OC90: variants seen among roughly 807,000 people sequenced by gnomAD.
The protein encoded by OC90 is otoconin-90.
OC90 carries 46 observed loss-of-function variants against 47.3 expected under a neutral mutation model. The ratio of observed to expected loss-of-function variants is 0.97; its 90% CI spans 0.77 to 1.24. The LOEUF (loss-of-function observed/expected upper bound fraction) is 1.24. OC90 is among the 50% of genes most tolerant of loss of function. The pLI is 0.00. For missense variants in OC90, 688 were observed against 583.9 expected (o/e 1.18, Z -1.84); for synonymous variants, 271 against 219.5 (o/e 1.23, Z -2.07).
Position 132,041,706 on chromosome 8 carries a change from G to A in OC90, c.170-7C>T. 6.6e-7 allele frequency: 1 copy of A among 1,522,450 alleles called. No homozygotes were observed. Among genetic ancestry groups the A allele is most frequent in the Non-Finnish European group, 9.1e-7 (1 of 1,101,360 alleles). 94.3% of individuals were successfully genotyped at this position (1,522,450 alleles called of 1,614,324 possible). On this transcript the variant is annotated splice_polypyrimidine_tract_variant and splice_region_variant and intron_variant, in intron 4 of 13. Coordinates refer to ENST00000254627, the MANE Select transcript of OC90 (RefSeq NM_001080399.3). ...AAGTGGGGGCCCAGGCAATCTGTGGGGGTGGGGGGCAGGGCCTGATAAGCA... is the reference window on the plus strand; with the variant it reads ...AAGTGGGGGCCCAGGCAATCTGTGGAGGTGGGGGGCAGGGCCTGATAAGCA...
intron 1 of OC90, among the ~76,000 whole-genome samples, chr8:132,058,452 G>A (rs1040861319): frequency 8.5e-5 from 13 of 152,110 alleles, no homozygotes; most frequent in African/African-American, 1.9e-4. Flanking sequence ...TTGGAGTCCC[G>A]GCTCCCCTAG....
intron 2 of OC90, among the ~76,000 whole-genome samples, chr8:132,052,516 T>A (rs937601153): frequency 1.3e-5 from 2 of 152,222 alleles, no homozygotes; most frequent in African/African-American, 4.8e-5. Flanking sequence ...TAGATGTTAA[T>A]AAGGTGTGCT....
At chr8:132,031,041 G>A (rs1026262771) in intron 12 of OC90, among the ~76,000 whole-genome samples, 6 of 152,166 alleles carry the variant, frequency 3.9e-5, no homozygotes, top group Non-Finnish European at 7.4e-5. Context: ...TCCATTGGCC[G>A]TGGACAGGGG....
At chr8:132,034,873 C>G (rs1223132240) in intron 9 of OC90, 39 bp from the exon 10 acceptor site, 3 of 1,530,478 alleles carry the variant, frequency 2.0e-6, no homozygotes, top group Non-Finnish European at 2.7e-6. Flanking sequence ...AGCATCCACC[C>G]CAGCCTGTCC....
intron 3 of OC90, among the ~76,000 whole-genome samples, chr8:132,044,987 C>A (rs1823111354): frequency 6.6e-6 from 1 of 152,226 alleles, no homozygotes; most frequent in African/African-American, 2.4e-5. Flanking sequence ...ATCCCCAGAA[C>A]TGCTGTGTAG....
intron 10 of OC90, 76 bp from the exon 11 acceptor site, chr8:132,033,240 C>T (rs537248846): frequency 2.1e-6 from 3 of 1,404,142 alleles, no homozygotes; most frequent in African/African-American, 2.8e-5. Flanking sequence ...ATACGAAAGC[C>T]AAATGCAAAC....
intron 12 of OC90, among the ~76,000 whole-genome samples, chr8:132,030,750 G>A (rs1372434255): frequency 1.3e-5 from 2 of 152,224 alleles, no homozygotes; most frequent in African/African-American, 2.4e-5. Flanking sequence ...CTGTGCAACA[G>A]AGCCTGGATT....
intron 12 of OC90, among the ~76,000 whole-genome samples, chr8:132,029,432 T>A (rs1357466069): frequency 6.6e-6 from 1 of 152,226 alleles, no homozygotes; most frequent in Non-Finnish European, 1.5e-5. Flanking sequence ...AAAAACATTA[T>A]TTTTGATTTT....
intron 9 of OC90, among the ~76,000 whole-genome samples, 168 bp downstream of exon 9, chr8:132,037,270 G>T (rs1241146814): frequency 6.6e-6 from 1 of 152,182 alleles, no homozygotes; most frequent in African/African-American, 2.4e-5. Flanking sequence ...CCTGGTGGGA[G>T]GTGATTGGAT....
At chr8:132,028,036 T>C (rs547893059) in intron 13 of OC90, among the ~76,000 whole-genome samples, 1 of 152,314 alleles carries the variant, frequency 6.6e-6, no homozygotes, top group African/African-American at 2.4e-5. Flanking sequence ...CTCGGGATAC[T>C]GTTTTGAGGA....
At chr8:132,047,847 A>C (rs1293462794) in intron 2 of OC90, among the ~76,000 whole-genome samples, 1 of 152,226 alleles carries the variant, frequency 6.6e-6, no homozygotes, top group Non-Finnish European at 1.5e-5. Context: ...CTATGGTTTG[A>C]ATGTATGTGT....
intron 13 of OC90, among the ~76,000 whole-genome samples, chr8:132,026,183 T>G (rs1822755002): frequency 5.3e-5 from 8 of 152,244 alleles, no homozygotes; most frequent in Admixed American, 5.2e-4. Flanking sequence ...ATGAGTTGCA[T>G]GCAGTGGGAG....
chr8:132,040,463 T>A (rs1236596499), intron 6 of OC90, among the ~76,000 whole-genome samples: 2 of 152,196 alleles, frequency 1.3e-5, no homozygotes, highest in African/African-American at 4.8e-5. Context: ...CCTAGAGACA[T>A]GAAATAAAAT....
At chr8:132,045,660 T>C (rs116023574) in intron 3 of OC90, among the ~76,000 whole-genome samples, 158 bp downstream of exon 3, 2,645 of 152,310 alleles carry the variant, frequency 0.017, 73 homozygotes, top group African/African-American at 0.058. Flanking sequence ...CAGGGGAGAT[T>C]GTTGGGGAGA....
intron 13 of OC90, among the ~76,000 whole-genome samples, chr8:132,028,551 A>G (rs142683657): frequency 4.8e-5 from 1 of 20,796 alleles, no homozygotes; most frequent in Non-Finnish European, 1.0e-4. Flanking sequence ...AGAAAGAAAG[A>G]AAGAAAGAAA....
chr8:132,033,013 A>T, intron 11 of OC90, 26 bp downstream of exon 11: 1 of 1,602,318 alleles, frequency 6.2e-7, no homozygotes. Flanking sequence ...CCAGCAGCGG[A>T]GAGGACAGAC....
chr8:132,036,373 T>A (rs776848260), intron 9 of OC90: 2 of 780,864 alleles, frequency 2.6e-6, no homozygotes, highest in Non-Finnish European at 4.8e-6. Flanking sequence ...CTGCTTACTT[T>A]TCTTGGAGAG....
chr8:132,033,934 G>T (rs1822915159), intron 10 of OC90, among the ~76,000 whole-genome samples: 1 of 152,208 alleles, frequency 6.6e-6, no homozygotes, highest in African/African-American at 2.4e-5. Context: ...CCGCTGGATT[G>T]CAGTCTTTCC....
intron 2 of OC90, among the ~76,000 whole-genome samples, chr8:132,046,983 A>C (rs1823142349): frequency 6.6e-6 from 1 of 152,212 alleles, no homozygotes; most frequent in Non-Finnish European, 1.5e-5. Flanking sequence ...TGTCCTGTGC[A>C]TAGATATTTA....
Sources: allele counts gnomAD v4.1 joint callset (sites outside exome capture counted in the v4.1 genomes callset), GRCh38; gene constraint gnomAD v4.1.1; transcripts MANE v1.5; gene names NCBI Gene and HGNC (gene_info 2026-07-23, HGNC 2026-07-21).